MAMLD1: variants seen among roughly 807,000 people sequenced by gnomAD.
MAMLD1 encodes mastermind-like domain-containing protein 1.
MAMLD1 carries 14 observed loss-of-function variants against 45.0 expected under a neutral mutation model. That is an observed-to-expected ratio of 0.31 (90% CI 0.21 to 0.49). The LOEUF is 0.49. Among genes scored for constraint, MAMLD1 ranks in the 20% least tolerant of loss-of-function variants. The pLI is 0.99. For missense variants in MAMLD1, 543 were observed against 603.6 expected, an observed-to-expected ratio of 0.90 and a Z score of 1.05; for synonymous variants, 254 against 247.8, an observed-to-expected ratio of 1.02 and a Z score of -0.24.
intron 1 of MAMLD1, among the ~76,000 whole-genome samples, chrX:150,390,460 A>C (rs2033128055): frequency 8.9e-6 from 1 of 112,287 alleles, no homozygotes; most frequent in Non-Finnish European, 1.9e-5. Flanking sequence ...GGTTTTTAGC[A>C]TATTACATTG....
At chrX:150,439,755 C>G (rs1313309039) in intron 1 of MAMLD1, among the ~76,000 whole-genome samples, 1 of 111,150 alleles carries the variant, frequency 9.0e-6, no homozygotes, top group African/African-American at 3.3e-5. Context: ...GCCAATGTGG[C>G]AAAACACCGT....
At chrX:150,485,662 T>C (rs1046464022) in intron 5 of MAMLD1, among the ~76,000 whole-genome samples, 39 of 112,426 alleles carry the variant, frequency 3.5e-4, no homozygotes, top group Middle Eastern at 9.1e-3. Context: ...GTTATTAAGC[T>C]AGACTATTGT....
At chrX:150,421,752 A>G (rs1354738465) in intron 1 of MAMLD1, among the ~76,000 whole-genome samples, 3 of 112,249 alleles carry the variant, frequency 2.7e-5, no homozygotes, top group Non-Finnish European at 3.8e-5. Flanking sequence ...AATCTTGAGC[A>G]TTGTCCCAAT....
chrX:150,372,612 A>G (rs1373528743), intron 1 of MAMLD1, among the ~76,000 whole-genome samples: 2 of 112,470 alleles, frequency 1.8e-5, no homozygotes, highest in Admixed American at 1.9e-4. Flanking sequence ...AGTTTGCTGC[A>G]CGAACATGTT....
chrX:150,404,462 T>A (rs2033949618), intron 1 of MAMLD1, among the ~76,000 whole-genome samples: 1 of 111,813 alleles, frequency 8.9e-6, no homozygotes, highest in Non-Finnish European at 1.9e-5. Flanking sequence ...ATTGCACACA[T>A]TCCCATTTTC....
At chrX:150,368,944 A>T (rs1407620070) in intron 1 of MAMLD1, among the ~76,000 whole-genome samples, 1 of 112,055 alleles carries the variant, frequency 8.9e-6, no homozygotes, top group African/African-American at 3.2e-5. Flanking sequence ...TACCAGTACC[A>T]TGCTGTTTTG....
chrX:150,369,719 T>C (rs1872524969), intron 1 of MAMLD1, among the ~76,000 whole-genome samples: 1 of 112,101 alleles, frequency 8.9e-6, no homozygotes, highest in African/African-American at 3.2e-5. Context: ...TAGAGCAGAT[T>C]TGCTGCTTTG....
At chrX:150,439,684 C>G (rs1010717665) in intron 1 of MAMLD1, among the ~76,000 whole-genome samples, 3 of 111,905 alleles carry the variant, frequency 2.7e-5, no homozygotes, top group Admixed American at 1.9e-4. Flanking sequence ...CCTGTAATCC[C>G]AGCACTTTGG....
At chrX:150,463,124 C>G (rs150620684) in intron 3 of MAMLD1, among the ~76,000 whole-genome samples, 337 of 112,421 alleles carry the variant, frequency 3.0e-3, no homozygotes, top group African/African-American at 0.011. Flanking sequence ...GAACCTGGGT[C>G]CAGCAGAAGT....
At chrX:150,424,532 G>A in intron 1 of MAMLD1, among the ~76,000 whole-genome samples, 1 of 111,929 alleles carries the variant, frequency 8.9e-6, no homozygotes, top group Non-Finnish European at 1.9e-5. Context: ...TGCTAGGTCA[G>A]CATATAAACA....
intron 1 of MAMLD1, among the ~76,000 whole-genome samples, chrX:150,370,566 T>C (rs2124453565): frequency 9.0e-6 from 1 of 110,916 alleles, no homozygotes; most frequent in South Asian, 3.9e-4. Context: ...AGATTGGAGG[T>C]GCATAGTCCT....
Position 150,421,911 on chromosome X carries a change from T to C in MAMLD1, c.-63-23543T>C, listed in dbSNP as rs782397272. Among the ~76,000 whole-genome samples, 349 of 112,287 alleles carry C rather than the reference T, an allele frequency of 3.1e-3. 1 individual carries two copies. The highest frequency in any genetic ancestry group is 0.011 in the African/African-American group (325 of 30,922). ...GAATCTGGAGGCGGTCTAAGATCTT[T>C]CCAGCAGCCACTGAAGGGAAGTCTG... is the stretch of plus-strand genomic sequence containing the variant. On this transcript the variant is annotated intron_variant, in intron 1 of 7. Transcript: ENST00000370401.
At chrX:150,511,320 G>C (rs2148370296) in intron 7 of MAMLD1, among the ~76,000 whole-genome samples, 1 of 111,772 alleles carries the variant, frequency 8.9e-6, no homozygotes, top group Non-Finnish European at 1.9e-5. Flanking sequence ...TCTGCTCCGT[G>C]TCTCTCCATC....
rs782455241 is a variant in MAMLD1 at position 150,481,119 on chromosome X, T to C, written c.2040+7317T>C. Among the ~76,000 whole-genome samples the C allele has an allele frequency of 2.5e-4, 28 of 113,081 alleles. No individual in the cohort carries two copies. The South Asian group carries it at 9.8e-3, about 39-fold the overall frequency. On this transcript the variant is annotated intron_variant, in intron 5 of 7. Transcript: ENST00000370401. ...ACTACTCATTTGCAATTGTGATTAATGATCATTTATTTCCATGTGACAAAG... is the reference window on the plus strand; with the variant it reads ...ACTACTCATTTGCAATTGTGATTAACGATCATTTATTTCCATGTGACAAAG...
chrX:150,445,493 A>T lies in MAMLD1; in HGVS notation c.-24A>T. ...CGTTTGGGAAACGCCTTGGAGAGTC[A>T]AGAATAAATTTGCAGGTCAAACAAT... On this transcript the variant is annotated 5_prime_UTR_variant, in exon 2 of 8. Transcript: ENST00000370401. 8.6e-7 allele frequency: 1 copy of T among 1,163,129 alleles called. No individual in the cohort carries two copies. Among genetic ancestry groups the T allele is most frequent in the Non-Finnish European group, 1.2e-6 (1 of 851,392 alleles).
intron 1 of MAMLD1, among the ~76,000 whole-genome samples, chrX:150,442,848 C>G (rs2035361740): frequency 9.0e-6 from 1 of 111,478 alleles, no homozygotes; most frequent in East Asian, 2.8e-4. Flanking sequence ...ATATTGTTGA[C>G]TAATTTTGTT....
intron 1 of MAMLD1, among the ~76,000 whole-genome samples, chrX:150,435,669 A>G (rs2035101913): frequency 1.8e-5 from 2 of 112,518 alleles, no homozygotes; most frequent in Non-Finnish European, 3.8e-5. Context: ...TCTTTACTCA[A>G]CTTGGCACTC....
chrX:150,396,614 G>A (rs2033429565), intron 1 of MAMLD1, among the ~76,000 whole-genome samples: 1 of 111,861 alleles, frequency 8.9e-6, no homozygotes, highest in Non-Finnish European at 1.9e-5. Flanking sequence ...ATCCATCTTG[G>A]TGAATGTTCC....
At chrX:150,365,255 A>C (rs1291790861) in intron 1 of MAMLD1, among the ~76,000 whole-genome samples, 1 of 112,281 alleles carries the variant, frequency 8.9e-6, no homozygotes, top group Non-Finnish European at 1.9e-5. Context: ...CGCTCGGGAC[A>C]GGAGGGCAAG....
Sources: gnomAD v4.1 joint callset for allele counts (sites outside exome capture counted in the v4.1 genomes callset) on GRCh38, gnomAD v4.1.1 for gene constraint, MANE v1.5 for transcripts, NCBI Gene and HGNC (gene_info 2026-07-23, HGNC 2026-07-21) for gene names.